MYO1B: variants seen among roughly 807,000 people sequenced by gnomAD.
The protein encoded by MYO1B is unconventional myosin-Ib.
A neutral mutation model predicts 159.7 loss-of-function variants in MYO1B; 72 were observed. The ratio of observed to expected loss-of-function variants is 0.45; its 90% CI spans 0.37 to 0.55. The LOEUF (loss-of-function observed/expected upper bound fraction) is 0.55, where lower values mean the gene tolerates loss of function less well. Among genes scored for constraint, MYO1B ranks in the 20% least tolerant of loss-of-function variants. The probability of loss-of-function intolerance (pLI) is 0.00; values close to 1 mark genes in which losing one functional copy is unlikely to be tolerated. For missense variants in MYO1B, 1,062 were observed against 1,364.8 expected (o/e 0.78, Z 3.50); for synonymous variants, 468 against 473.8 (o/e 0.99, Z 0.16).
At chr2:191,306,595 A>C (rs1429718869) in intron 3 of MYO1B, among the ~76,000 whole-genome samples, 1 of 152,144 alleles carries the variant, frequency 6.6e-6, no homozygotes, top group African/African-American at 2.4e-5. Context: ...GTAAGGGACA[A>C]GGACAGAAGG....
At chr2:191,384,033 G>C (rs960786151) in intron 15 of MYO1B, among the ~76,000 whole-genome samples, 2 of 152,174 alleles carry the variant, frequency 1.3e-5, no homozygotes, top group African/African-American at 4.8e-5. Flanking sequence ...GGTGGCCAGG[G>C]ACCTGGAATT....
chr2:191,290,371 C>T (rs559385663), intron 2 of MYO1B, among the ~76,000 whole-genome samples: 7 of 152,212 alleles, frequency 4.6e-5, no homozygotes, highest in African/African-American at 9.6e-5. Flanking sequence ...TCATTGCTTC[C>T]GCTGGTGTCT....
intron 4 of MYO1B, among the ~76,000 whole-genome samples, chr2:191,336,928 G>T (rs1052628760): frequency 7.5e-6 from 1 of 132,540 alleles, no homozygotes; most frequent in African/African-American, 2.6e-5. Context: ...ATAAATGTAT[G>T]GCCCTCTCTA....
At chr2:191,319,202 C>T (rs1690546220) in intron 3 of MYO1B, among the ~76,000 whole-genome samples, 1 of 152,278 alleles carries the variant, frequency 6.6e-6, no homozygotes. Context: ...AAATAATGTG[C>T]AGAACAGACT....
At chr2:191,272,678 A>G (rs563279728) in intron 1 of MYO1B, among the ~76,000 whole-genome samples, 1 of 152,320 alleles carries the variant, frequency 6.6e-6, no homozygotes, top group East Asian at 1.9e-4. Flanking sequence ...TTTTTCTTGT[A>G]AATCCTTAAG....
At chr2:191,378,123 G>T (rs1694823164) in intron 13 of MYO1B, among the ~76,000 whole-genome samples, 1 of 152,034 alleles carries the variant, frequency 6.6e-6, no homozygotes, top group Non-Finnish European at 1.5e-5. Context: ...TTGAAAAGGA[G>T]CCTTAGCACG....
intron 11 of MYO1B, among the ~76,000 whole-genome samples, chr2:191,368,866 C>G (rs560238406): frequency 6.6e-6 from 1 of 152,088 alleles, no homozygotes; most frequent in Admixed American, 6.5e-5. Flanking sequence ...CCCAGTCACT[C>G]GGGAGGCTGA....
chr2:191,375,470 A>AAGATAGGTAGAT (rs1553556396), intron 13 of MYO1B, among the ~76,000 whole-genome samples: 1 of 146,256 alleles, frequency 6.8e-6, no homozygotes, highest in Non-Finnish European at 1.5e-5. Flanking sequence ...TGATTTGTAA[A>AAGATAGGTAGAT]AGATAGATAG....
chr2:191,277,421 GA>G (rs1687818663), intron 2 of MYO1B, among the ~76,000 whole-genome samples: 1 of 152,192 alleles, frequency 6.6e-6, no homozygotes, highest in Non-Finnish European at 1.5e-5. Flanking sequence ...TGTCAAAAAA[GA>G]CATGAACTTT....
intron 21 of MYO1B, among the ~76,000 whole-genome samples, chr2:191,399,160 G>T (rs1191206766): frequency 6.6e-6 from 1 of 152,190 alleles, no homozygotes; most frequent in Non-Finnish European, 1.5e-5. Context: ...CAGGCACTCG[G>T]CAGGCTGAGG....
At chr2:191,341,373 A>G (rs975146678) in intron 4 of MYO1B, 88 bp from the exon 5 acceptor site, 25 of 967,926 alleles carry the variant, frequency 2.6e-5, no homozygotes, top group Middle Eastern at 4.3e-4. Flanking sequence ...AAATGCCGTT[A>G]GTGGGTCTTC....
At chr2:191,415,494 A>G (rs1284640850) in intron 29 of MYO1B, among the ~76,000 whole-genome samples, 1 of 152,200 alleles carries the variant, frequency 6.6e-6, no homozygotes. Context: ...ACACATGTAA[A>G]CAGCTTGGGA....
intron 1 of MYO1B, among the ~76,000 whole-genome samples, chr2:191,275,015 C>T (rs544725673): frequency 1.1e-4 from 17 of 152,108 alleles, no homozygotes; most frequent in Non-Finnish European, 1.6e-4. Context: ...TCAAGCAGTT[C>T]GCTGCCTCAG....
At chr2:191,399,246 G>C (rs902082278) in intron 21 of MYO1B, among the ~76,000 whole-genome samples, 5 of 152,082 alleles carry the variant, frequency 3.3e-5, no homozygotes, top group African/African-American at 1.2e-4. Flanking sequence ...GGCATCAGAG[G>C]GAGACCGTGG....
intron 4 of MYO1B, among the ~76,000 whole-genome samples, chr2:191,333,756 T>C (rs1250419157): frequency 6.6e-6 from 1 of 152,234 alleles, no homozygotes; most frequent in African/African-American, 2.4e-5. Flanking sequence ...TGGGAAACTT[T>C]ACAGGACATG....
intron 1 of MYO1B, among the ~76,000 whole-genome samples, chr2:191,258,000 CTTAGCAT>C (rs1260758856): frequency 2.0e-5 from 3 of 152,116 alleles, no homozygotes. Context: ...TATACCTAGA[CTTAGCAT>C]TGGTTTTTTC....
intron 2 of MYO1B, among the ~76,000 whole-genome samples, chr2:191,280,424 C>G (rs1162807094): frequency 1.3e-5 from 2 of 152,152 alleles, no homozygotes; most frequent in African/African-American, 4.8e-5. Flanking sequence ...CTTTGCCTTC[C>G]TTGGCTGTTT....
intron 2 of MYO1B, among the ~76,000 whole-genome samples, chr2:191,280,624 A>G (rs900241038): frequency 6.6e-6 from 1 of 152,170 alleles, no homozygotes; most frequent in Non-Finnish European, 1.5e-5. Flanking sequence ...TGGCCCGGAG[A>G]TGGCATGACC....
rs1694262878 is a variant in MYO1B at position 191,370,098 on chromosome 2, A to G, written c.1120-129A>G. 12 of 652,920 alleles carry G rather than the reference A, an allele frequency of 1.8e-5. 1 individual carries two copies. In the South Asian group the frequency reaches 2.8e-4, roughly 15 times the overall value. 40.4% of individuals were successfully genotyped at this position (652,920 alleles called of 1,614,324 possible). The stretch of plus-strand genomic sequence containing the variant: ...GCCTCATCTCATACATTTTTTAAAA[A>G]ACAACTAAATTAGTTATTTTCTTAC... On this transcript the variant is annotated intron_variant, in intron 12 of 30. Coordinates refer to ENST00000392318, the MANE Select transcript of MYO1B (RefSeq NM_001130158.3).
Sources: allele counts gnomAD v4.1 joint callset (sites outside exome capture counted in the v4.1 genomes callset), GRCh38; gene constraint gnomAD v4.1.1; transcripts MANE v1.5; gene names NCBI Gene and HGNC (gene_info 2026-07-23, HGNC 2026-07-21).